MCF2L2: variants seen among roughly 807,000 people sequenced by gnomAD.
The protein encoded by MCF2L2 is probable guanine nucleotide exchange factor MCF2L2.
A neutral mutation model predicts 150.2 loss-of-function variants in MCF2L2; 102 were observed. That is an observed-to-expected ratio of 0.68 (90% confidence interval 0.58 to 0.80). The LOEUF is 0.80. Ranked by LOEUF, MCF2L2 falls within the 30% of genes least tolerant of loss-of-function variation. The pLI is 0.00. For synonymous variants in MCF2L2, 465 were observed against 491.3 expected (o/e 0.95, Z 0.71); for missense variants, 1,256 against 1,372.8 (o/e 0.91, Z 1.34).
At chr3:183,288,766 C>T (rs555465644) in intron 14 of MCF2L2, among the ~76,000 whole-genome samples, 2 of 152,274 alleles carry the variant, frequency 1.3e-5, no homozygotes, top group South Asian at 4.1e-4. Flanking sequence ...AGGCGTGAAC[C>T]ACCGCGCCCG....
chr3:183,306,216 C>T (rs1729090436), intron 10 of MCF2L2, among the ~76,000 whole-genome samples: 1 of 152,232 alleles, frequency 6.6e-6, no homozygotes, highest in African/African-American at 2.4e-5. Flanking sequence ...TACACATGTG[C>T]TATGAAATCC....
intron 3 of MCF2L2, among the ~76,000 whole-genome samples, chr3:183,362,582 G>A (rs1712276006): frequency 6.7e-6 from 1 of 148,896 alleles, no homozygotes; most frequent in Non-Finnish European, 1.5e-5. Flanking sequence ...GAAGTAATAG[G>A]TACAATTTAG....
Position 183,289,123 on chromosome 3 carries a change from G to T in MCF2L2, c.1773C>A (p.Val591=). The change falls in exon 14 of 30, where the codon GTC becomes GTA. Residue 591 remains valine, a synonymous_variant. Transcript: ENST00000328913. The part of the protein sequence containing the change: ...GKEDDETKFE[V]KSEEIFESHH... Reference sequence around the variant, plus strand: ...AGTAAAATAAAGGTAATTTTACCTTGACTTCAAATTTAGTCTCATCATCTT... The same window carrying T: ...AGTAAAATAAAGGTAATTTTACCTTTACTTCAAATTTAGTCTCATCATCTT... The T allele has an allele frequency of 6.2e-7, 1 of 1,606,360 alleles. No individual in the cohort carries two copies. The highest frequency in any genetic ancestry group is 1.1e-5 in the South Asian group (1 of 90,820).
At position 183,206,157 on chromosome 3, in the gene MCF2L2, C is replaced by T. The variant is rs372726793; in HGVS notation, c.2770G>A (p.Ala924Thr). The T allele has an allele frequency of 5.1e-5, 83 of 1,614,052 alleles. No individual in the cohort carries two copies. Among genetic ancestry groups the T allele is most frequent in the Non-Finnish European group, 6.7e-5 (79 of 1,180,024 alleles). The change falls in exon 24 of 30, where the codon GCC becomes ACC. Residue 924 changes from alanine (A) to threonine (T), a missense_variant. Transcript: ENST00000328913. ...GRGSHRKFEI[A>T]SRNGLEKYIL... ...TATTTCTCAAGTCCATTTCGACTGG[C>T]AATCTCAAACTTTCTATGGCTCCCC...
chr3:183,368,017 T>C (rs752526609), intron 3 of MCF2L2, among the ~76,000 whole-genome samples: 1 of 152,206 alleles, frequency 6.6e-6, no homozygotes, highest in Non-Finnish European at 1.5e-5. Context: ...TAAATCCTAA[T>C]CAAGCCCTAA....
chr3:183,295,263 C>T, intron 13 of MCF2L2, 37 bp downstream of exon 13: 1 of 1,569,186 alleles, frequency 6.4e-7, no homozygotes. Context: ...TGATGAAACA[C>T]AAAAGCCACA....
At chr3:183,302,552 G>C (rs944276616) in intron 10 of MCF2L2, among the ~76,000 whole-genome samples, 4 of 152,148 alleles carry the variant, frequency 2.6e-5, no homozygotes, top group Admixed American at 2.6e-4. Flanking sequence ...TTTGGAGGGA[G>C]GATCTCGATC....
In MCF2L2 at chr3:183,179,153, C is replaced by G. The variant is rs1203113113; in HGVS notation, c.*227G>C. 2 of 457,536 alleles carry G rather than the reference C, an allele frequency of 4.4e-6. No individual in the cohort carries two copies. The highest frequency in any genetic ancestry group is 7.2e-6 in the Non-Finnish European group (2 of 277,366). 28.3% of individuals were successfully genotyped at this position (457,536 alleles called of 1,614,324 possible). A position where few individuals can be genotyped will look rare whatever the true frequency, so the allele number is the denominator to read the frequency against. ...GAAGGCGTGGGCTGCGGGCTCTGCTCGCCTCTGCAGGCGCCTTAGAGCAGC... is the reference window on the plus strand; with the variant it reads ...GAAGGCGTGGGCTGCGGGCTCTGCTGGCCTCTGCAGGCGCCTTAGAGCAGC... On this transcript the variant is annotated 3_prime_UTR_variant, in exon 30 of 30. Transcript: ENST00000328913. The surrounding 1 kb of genome is among the most constrained non-coding windows in gnomAD (Gnocchi z 4.2).
chr3:183,209,806 T>TTAAATATGTAAATTATTTAAAATATG (rs1343191140), intron 22 of MCF2L2, among the ~76,000 whole-genome samples: 1 of 152,106 alleles, frequency 6.6e-6, no homozygotes, highest in Non-Finnish European at 1.5e-5. Flanking sequence ...ACTAAATTAT[T>TTAAATATGTAAATTATTTAAAATATG]TAAAATATGT....
chr3:183,372,507 CATGGTGAA>C (rs1180654304), intron 3 of MCF2L2: 1 of 152,162 alleles, frequency 6.6e-6, no homozygotes, highest in Admixed American at 6.5e-5. Flanking sequence ...GCCTGGCCAA[CATGGTGAA>C]ACCCCGTCTC....
chr3:183,290,692 C>T (rs1161419127), intron 13 of MCF2L2, among the ~76,000 whole-genome samples: 3 of 152,136 alleles, frequency 2.0e-5, no homozygotes, highest in East Asian at 3.9e-4. Context: ...CACCACCATA[C>T]GCAGCTAATT....
chr3:183,368,561 C>T (rs1455883470), intron 3 of MCF2L2, among the ~76,000 whole-genome samples: 3 of 151,994 alleles, frequency 2.0e-5, no homozygotes, highest in Admixed American at 6.6e-5. Flanking sequence ...GTCAGGAGTT[C>T]GAGACCAGCC....
At chr3:183,263,489 A>G (rs2108426492) in intron 15 of MCF2L2, among the ~76,000 whole-genome samples, 1 of 152,026 alleles carries the variant, frequency 6.6e-6, no homozygotes, top group South Asian at 2.1e-4. Flanking sequence ...TGTTAACCCC[A>G]TCTTAATTTT....
chr3:183,342,064 A>G (rs1730721464), intron 3 of MCF2L2, among the ~76,000 whole-genome samples: 1 of 152,186 alleles, frequency 6.6e-6, no homozygotes, highest in African/African-American at 2.4e-5. Context: ...GTAATGAGAG[A>G]GGTGTTTAGA....
intron 1 of MCF2L2, among the ~76,000 whole-genome samples, chr3:183,408,226 T>G (rs569440122): frequency 1.3e-5 from 2 of 151,884 alleles, no homozygotes; most frequent in Admixed American, 1.3e-4. Context: ...GAGCCCAGAG[T>G]AGAGAGGCCA....
At chr3:183,198,770 C>T (rs559612043) in intron 25 of MCF2L2, among the ~76,000 whole-genome samples, 1 of 152,116 alleles carries the variant, frequency 6.6e-6, no homozygotes. Flanking sequence ...GGTCCTTAAA[C>T]CACCCTTTGA....
At chr3:183,320,346 G>A (rs773922064) in intron 6 of MCF2L2, among the ~76,000 whole-genome samples, 15 of 151,958 alleles carry the variant, frequency 9.9e-5, no homozygotes, top group Non-Finnish European at 1.6e-4. Context: ...TGCCCACCTC[G>A]GCCTCCCAAG....
intron 10 of MCF2L2, among the ~76,000 whole-genome samples, chr3:183,306,521 T>C (rs1306522534): frequency 6.6e-6 from 1 of 152,126 alleles, no homozygotes; most frequent in Non-Finnish European, 1.5e-5. Context: ...AGATGAGAGA[T>C]GAGAGTGCCT....
At chr3:183,323,153 G>A (rs1007156817) in intron 6 of MCF2L2, 82 bp downstream of exon 6, 2 of 955,986 alleles carry the variant, frequency 2.1e-6, no homozygotes, top group Non-Finnish European at 3.2e-6. Context: ...GTGACCTCCT[G>A]GCAGTTGATC....
Sources: allele counts gnomAD v4.1 joint callset (sites outside exome capture counted in the v4.1 genomes callset), GRCh38; gene constraint gnomAD v4.1.1; non-coding constraint Gnocchi (gnomAD v3.1); transcripts MANE v1.5; gene names NCBI Gene and HGNC (gene_info 2026-07-23, HGNC 2026-07-21).